The following SDHAF4 variants were observed in gnomAD, a reference collection of about 807,000 sequenced individuals.
The protein encoded by SDHAF4 is succinate dehydrogenase complex assembly factor 4, also known as succinate dehydrogenase assembly factor 4, mitochondrial.
SDHAF4 carries 14 observed loss-of-function variants against 14.3 expected under a neutral mutation model. That is an observed-to-expected ratio of 0.98 (90% CI 0.65 to 1.53). SDHAF4 has a LOEUF of 1.53. SDHAF4 is among the 40% of genes most tolerant of loss of function. SDHAF4 has a pLI of 0.00. For synonymous variants in SDHAF4, 63 were observed against 47.3 expected, an observed-to-expected ratio of 1.33 and a Z score of -1.36; for missense variants, 141 against 129.3, an observed-to-expected ratio of 1.09 and a Z score of -0.44.
intron 1 of SDHAF4, among the ~76,000 whole-genome samples, chr6:70,574,995 T>G (rs1476864381): frequency 2.0e-5 from 3 of 152,226 alleles, no homozygotes; most frequent in African/African-American, 7.2e-5. Context: ...GAGTCCTGGC[T>G]TCTCCTGCGC....
intron 2 of SDHAF4, among the ~76,000 whole-genome samples, chr6:70,580,757 G>C (rs551483892): frequency 7.2e-5 from 11 of 152,190 alleles, no homozygotes; most frequent in African/African-American, 2.4e-4. Context: ...ACTTATATAA[G>C]GTACCTAGAA....
At chr6:70,577,518 A>G (rs1381889905) in intron 1 of SDHAF4, among the ~76,000 whole-genome samples, 4 of 152,202 alleles carry the variant, frequency 2.6e-5, no homozygotes, top group African/African-American at 9.7e-5. Context: ...TAGAGAGAAA[A>G]TGATGTCATT....
chr6:70,569,358 T>C (rs1397187710), intron 1 of SDHAF4, among the ~76,000 whole-genome samples: 4 of 152,016 alleles, frequency 2.6e-5, no homozygotes, highest in Non-Finnish European at 5.9e-5. Context: ...AACATCTGCC[T>C]CCTGAGTTCA....
downstream of SDHAF4, among the ~76,000 whole-genome samples, chr6:70,593,408 C>A (rs551750290): frequency 1.3e-5 from 2 of 152,328 alleles, no homozygotes; most frequent in Admixed American, 6.5e-5. Flanking sequence ...AATGTGGGAC[C>A]AGAGCTGCTG....
chr6:70,575,441 T>C (rs1802241516), intron 1 of SDHAF4, among the ~76,000 whole-genome samples: 1 of 150,596 alleles, frequency 6.6e-6, no homozygotes, highest in Admixed American at 6.6e-5. Context: ...ATACAAAAAC[T>C]TAGCTGTGTG....
chr6:70,571,964 T>G (rs1261554361), intron 1 of SDHAF4, among the ~76,000 whole-genome samples: 1 of 151,836 alleles, frequency 6.6e-6, no homozygotes, highest in Non-Finnish European at 1.5e-5. Context: ...ATATAATATG[T>G]ACTCTCTTTT....
At position 70,566,934 on chromosome 6, in the gene SDHAF4, C is replaced by T. The variant is rs370543206; in HGVS notation, c.-7C>T. ...GCGCCTGCGCGGAGGCTCGGGGAGT[C>T]GGCGCCATGACCCCATCGAGGCTTC... On this transcript the variant is annotated 5_prime_UTR_variant, in exon 1 of 3. Transcript: ENST00000370474. The T allele has an allele frequency of 1.8e-5, 28 of 1,576,856 alleles. No individual in the cohort carries two copies. Among genetic ancestry groups the T allele is most frequent in the African/African-American group, 1.8e-4 (13 of 74,134 alleles).
At position 70,588,842 on chromosome 6, in the gene SDHAF4, A is replaced by AATATATATATATATATAT. The variant is rs70990317; in HGVS notation, c.*132_*133insATATATATATATATATAT. ...TCGTGTAGTTTGTATAATGTGTTTA[A>AATATATATATATATATAT]ATATATATATATATGATGGCTTTGG... On this transcript the variant is annotated 3_prime_UTR_variant, in exon 3 of 3. Coordinates refer to ENST00000370474, the MANE Select transcript of SDHAF4 (RefSeq NM_145267.3). 4,085 of 342,542 alleles carry AATATATATATATATATAT rather than the reference A, an allele frequency of 0.012. 104 individuals are homozygous for AATATATATATATATATAT. The highest frequency in any genetic ancestry group is 0.043 in the African/African-American group (1,822 of 42,818). The allele number at this position is 342,542 out of a possible 1,614,324, so 21.2% of individuals were successfully genotyped here. A position where few individuals can be genotyped will look rare whatever the true frequency, so the allele number is the denominator to read the frequency against.
intron 2 of SDHAF4, among the ~76,000 whole-genome samples, chr6:70,585,451 T>C (rs577817484): frequency 6.6e-6 from 1 of 152,268 alleles, no homozygotes; most frequent in East Asian, 1.9e-4. Flanking sequence ...GAAGCGACCA[T>C]CTGTAAGCCA....
chr6:70,588,575 G>A (rs1765229217), intron 2 of SDHAF4, 40 bp from the exon 3 acceptor site: 1 of 1,004,622 alleles, frequency 1.0e-6, no homozygotes, highest in Admixed American at 2.1e-5. Flanking sequence ...GGCCTTTCCT[G>A]CCTCCATTAA....
At chr6:70,574,405 C>A (rs1354829558) in intron 1 of SDHAF4, among the ~76,000 whole-genome samples, 2 of 151,970 alleles carry the variant, frequency 1.3e-5, no homozygotes, top group African/African-American at 4.8e-5. Flanking sequence ...GGGTGTGGGT[C>A]AGTCAGTGGC....
chr6:70,597,202 C>G, the SDHAF4 span, among the ~76,000 whole-genome samples: 1 of 150,928 alleles, frequency 6.6e-6, no homozygotes, highest in Admixed American at 6.6e-5. Context: ...AGTGTGATCT[C>G]GGCTCACTGC....
chr6:70,584,067 C>T (rs969532659), intron 2 of SDHAF4, among the ~76,000 whole-genome samples: 1 of 151,964 alleles, frequency 6.6e-6, no homozygotes, highest in Non-Finnish European at 1.5e-5. Context: ...GCTCTGTTGC[C>T]CAGGCTGGCT....
At chr6:70,597,471 G>A in the SDHAF4 span, among the ~76,000 whole-genome samples, 1 of 151,814 alleles carries the variant, frequency 6.6e-6, no homozygotes, top group South Asian at 2.1e-4. Flanking sequence ...TTTCTATTTG[G>A]TGATTAATGA....
At chr6:70,591,544 T>C (rs575145496), downstream of SDHAF4, among the ~76,000 whole-genome samples, 2 of 152,074 alleles carry the variant, frequency 1.3e-5, no homozygotes, top group Admixed American at 6.5e-5. Flanking sequence ...TTAGCCAGGA[T>C]AGTCTCGATC....
intron 1 of SDHAF4, among the ~76,000 whole-genome samples, chr6:70,575,208 T>C (rs1802238179): frequency 6.6e-6 from 1 of 152,160 alleles, no homozygotes; most frequent in Admixed American, 6.5e-5. Flanking sequence ...CGAAACCCTA[T>C]CTCTATTAAA....
At chr6:70,597,156 G>A in the SDHAF4 span, among the ~76,000 whole-genome samples, 1 of 151,996 alleles carries the variant, frequency 6.6e-6, no homozygotes, top group Non-Finnish European at 1.5e-5. Flanking sequence ...TTTTTTGAGA[G>A]TGAGCCTCGC....
chr6:70,588,842 A>AAAATATAT lies in SDHAF4; in HGVS notation c.*119_*120insAATATATA. 1 of 339,216 alleles carries AAAATATAT rather than the reference A, an allele frequency of 2.9e-6. No individual in the cohort carries two copies. The highest frequency in any genetic ancestry group is 5.5e-6 in the Non-Finnish European group (1 of 181,986). The allele number at this position is 339,216 out of a possible 1,614,324, so 21.0% of individuals were successfully genotyped here. A position where few individuals can be genotyped will look rare whatever the true frequency, so the allele number is the denominator to read the frequency against. ...TCGTGTAGTTTGTATAATGTGTTTAAATATATATATATATGATGGCTTTGG... is the reference window on the plus strand; with the variant it reads ...TCGTGTAGTTTGTATAATGTGTTTAAAAATATATATATATATATATATGATGGCTTTGG... On this transcript the variant is annotated 3_prime_UTR_variant, in exon 3 of 3. Coordinates refer to ENST00000370474, the MANE Select transcript of SDHAF4 (RefSeq NM_145267.3).
rs112387033 is a variant in SDHAF4 at position 70,589,187 on chromosome 6, C to G, written c.*463C>G. On this transcript the variant is annotated 3_prime_UTR_variant, in exon 3 of 3. Coordinates refer to ENST00000370474, the MANE Select transcript of SDHAF4 (RefSeq NM_145267.3). ...AGAAATGATTCTTGTTTTTTTGAGA[C>G]AGAGTCTCTCTCTCTCACCCAGGCT... The G allele has an allele frequency of 4.7e-4, 72 of 152,024 alleles. No individual in the cohort carries two copies. The highest frequency in any genetic ancestry group is 1.6e-3 in the African/African-American group (68 of 41,480). 9.4% of individuals were successfully genotyped at this position (152,024 alleles called of 1,614,324 possible).
Sources: allele counts gnomAD v4.1 joint callset (sites outside exome capture counted in the v4.1 genomes callset), GRCh38; gene constraint gnomAD v4.1.1; transcripts MANE v1.5; gene names NCBI Gene and HGNC (gene_info 2026-07-23, HGNC 2026-07-21).